The following CUX1 variants were observed in gnomAD, a reference collection of about 807,000 sequenced individuals.
CUX1 encodes the protein protein CASP.
CUX1 carries 31 observed loss-of-function variants against 158.8 expected under a neutral mutation model. The ratio of observed to expected loss-of-function variants is 0.20; its 90% CI spans 0.15 to 0.26. The LOEUF (loss-of-function observed/expected upper bound fraction) is 0.26, where lower values mean the gene tolerates loss of function less well. Among genes scored for constraint, CUX1 ranks in the 10% least tolerant of loss-of-function variants. The pLI is 1.00. For synonymous variants in CUX1, 879 were observed against 862.1 expected (o/e 1.02, Z -0.34); for missense variants, 1,589 against 2,014.6 (o/e 0.79, Z 4.04).
At chr7:102,243,677 T>TAATAATAATAATA (rs544002750) in intron 23 of CUX1, among the ~76,000 whole-genome samples, 1 of 139,054 alleles carries the variant, frequency 7.2e-6, no homozygotes, top group African/African-American at 2.8e-5. Flanking sequence ...ATAATAATAA[T>TAATAATAATAATA]AAAATAAATG....
intron 22 of CUX1, among the ~76,000 whole-genome samples, chr7:102,234,507 G>C (rs1485932598): frequency 6.6e-6 from 1 of 152,174 alleles, no homozygotes; most frequent in East Asian, 1.9e-4. Flanking sequence ...AAACAGCTCT[G>C]GGGGCGCTGC....
At chr7:101,859,995 C>G (rs1797268494) in intron 1 of CUX1, among the ~76,000 whole-genome samples, 2 of 139,492 alleles carry the variant, frequency 1.4e-5, no homozygotes, top group African/African-American at 5.1e-5. Flanking sequence ...TCCCTCCCTA[C>G]CTTCCTCCCT....
intron 2 of CUX1, among the ~76,000 whole-genome samples, chr7:101,952,772 C>T (rs1809248083): frequency 6.6e-6 from 1 of 152,200 alleles, no homozygotes; most frequent in African/African-American, 2.4e-5. Context: ...TTACCTGGTC[C>T]CAGAGGTGTG....
At chr7:101,876,489 G>A (rs1373367276) in intron 1 of CUX1, among the ~76,000 whole-genome samples, 5 of 151,756 alleles carry the variant, frequency 3.3e-5, no homozygotes, top group Non-Finnish European at 7.4e-5. Flanking sequence ...GAGATCAGGA[G>A]ATCGAGACCA....
At chr7:102,036,979 C>A (rs1023907989) in intron 3 of CUX1, among the ~76,000 whole-genome samples, 2 of 152,132 alleles carry the variant, frequency 1.3e-5, no homozygotes, top group Non-Finnish European at 2.9e-5. Flanking sequence ...TCCCTTGAGC[C>A]CTCGTGTTAG....
intron 5 of CUX1, among the ~76,000 whole-genome samples, chr7:102,098,373 A>T (rs1487145443): frequency 1.3e-5 from 2 of 152,166 alleles, no homozygotes; most frequent in African/African-American, 2.4e-5. Context: ...GCGCTTTGAG[A>T]GGCCAAGGTG....
chr7:102,202,442 C>T (rs536620498), intron 18 of CUX1, among the ~76,000 whole-genome samples: 8 of 152,290 alleles, frequency 5.3e-5, no homozygotes, highest in Non-Finnish European at 1.2e-4. Context: ...GCATGCTGCC[C>T]TTTCGACCCC....
chr7:102,162,045 T>G (rs1425574492), intron 9 of CUX1, among the ~76,000 whole-genome samples: 1 of 151,842 alleles, frequency 6.6e-6, no homozygotes, highest in Non-Finnish European at 1.5e-5. Flanking sequence ...GTTCCTAATC[T>G]TGGGGTAGCA....
At chr7:102,034,959 C>T (rs1441361725) in intron 3 of CUX1, among the ~76,000 whole-genome samples, 2 of 151,096 alleles carry the variant, frequency 1.3e-5, no homozygotes, top group East Asian at 3.9e-4. Flanking sequence ...AACAAAAAAC[C>T]CTACTAACAA....
intron 2 of CUX1, among the ~76,000 whole-genome samples, chr7:101,941,673 T>C (rs1226558415): frequency 1.3e-5 from 2 of 152,218 alleles, no homozygotes; most frequent in Admixed American, 6.5e-5. Flanking sequence ...CGTCGGGGCA[T>C]TCCTGAACTC....
intron 2 of CUX1, chr7:101,932,598 C>T (rs1437200033): frequency 2.2e-6 from 1 of 455,556 alleles, no homozygotes; most frequent in African/African-American, 2.0e-5. Context: ...AGATTTCGGC[C>T]TGGTTGATGT....
chr7:102,222,799 G>A (rs1226349342), intron 20 of CUX1, among the ~76,000 whole-genome samples: 4 of 82,304 alleles, frequency 4.9e-5, no homozygotes, highest in Non-Finnish European at 7.2e-5. Flanking sequence ...TGTGTGTCTC[G>A]GGGCACCGTA....
chr7:102,191,913 C>A (rs906114155), intron 12 of CUX1, among the ~76,000 whole-genome samples: 4 of 152,082 alleles, frequency 2.6e-5, no homozygotes, highest in Non-Finnish European at 4.4e-5. Flanking sequence ...CACAGCCTGC[C>A]GGACCACAGG....
chr7:101,971,277 T>A (rs534459423), intron 2 of CUX1, among the ~76,000 whole-genome samples: 24 of 152,270 alleles, frequency 1.6e-4, no homozygotes, highest in African/African-American at 5.8e-4. Context: ...TGATTTCCAA[T>A]GGCTTGCAAA....
chr7:101,977,426 T>C (rs1812853889), intron 2 of CUX1, among the ~76,000 whole-genome samples: 1 of 152,082 alleles, frequency 6.6e-6, no homozygotes, highest in African/African-American at 2.4e-5. Context: ...ACCATTATTT[T>C]TAAATAAAAG....
intron 4 of CUX1, among the ~76,000 whole-genome samples, chr7:102,075,092 C>A (rs974310968): frequency 3.1e-4 from 47 of 152,184 alleles, no homozygotes; most frequent in Admixed American, 3.1e-3. Context: ...CTCCTGACCT[C>A]AGATGATCCG....
intron 1 of CUX1, among the ~76,000 whole-genome samples, chr7:101,858,100 G>T (rs1239760433): frequency 6.6e-6 from 1 of 152,188 alleles, no homozygotes; most frequent in African/African-American, 2.4e-5. Flanking sequence ...TCCAACCTGG[G>T]CAACAGAGCG....
chr7:102,255,917 A>G lies in CUX1; in HGVS notation c.*6875A>G. 2.0e-6 allele frequency: 2 copies of G among 985,314 alleles called. No homozygotes were observed. The highest frequency in any genetic ancestry group is 1.7e-5 in the African/African-American group (1 of 57,320). 61.0% of individuals were successfully genotyped at this position (985,314 alleles called of 1,614,324 possible). On this transcript the variant is annotated 3_prime_UTR_variant, in exon 24 of 24. Transcript: ENST00000292535. ...GTAAAAGCTCTGTGCAATTGAAATC[A>G]TTTTTCTTCATTTTAAAAAAATAAC...
chr7:101,871,747 G>A (rs567609119), intron 1 of CUX1, among the ~76,000 whole-genome samples: 2 of 152,302 alleles, frequency 1.3e-5, no homozygotes, highest in African/African-American at 4.8e-5. Context: ...GCCGGGTGCC[G>A]TGGCTCTCGC....
Sources: gnomAD v4.1 joint callset for allele counts (sites outside exome capture counted in the v4.1 genomes callset) on GRCh38, gnomAD v4.1.1 for gene constraint, MANE v1.5 for transcripts, NCBI Gene and HGNC (gene_info 2026-07-23, HGNC 2026-07-21) for gene names.